Variants in STARD9 observed in about 807,000 individuals in gnomAD.
STARD9 encodes the protein stAR-related lipid transfer protein 9.
A neutral mutation model predicts 399.8 loss-of-function variants in STARD9; 346 were observed. That is an observed-to-expected ratio of 0.87 (90% CI 0.79 to 0.95). The LOEUF is 0.95. STARD9 is among the 40% of genes least tolerant of loss of function. The probability of loss-of-function intolerance (pLI) is 0.00; values close to 1 mark genes in which losing one functional copy is unlikely to be tolerated. For synonymous variants in STARD9, 2,203 were observed against 2,143.5 expected (o/e 1.03, Z -0.77); for missense variants, 5,832 against 5,667.5 (o/e 1.03, Z -0.93).
In STARD9 at chr15:42,690,475, CTT is replaced by C; in HGVS notation, c.8898_8899del (p.Tyr2967PhefsTer11). On this transcript the variant is annotated frameshift_variant, in exon 23 of 33. Coordinates refer to ENST00000290607, the MANE Select transcript of STARD9 (RefSeq NM_020759.3). LOFTEE classifies it high-confidence loss of function. ...AGTTCTCAACCTGTTGCTACTCATG[CTT>C]ATTCCTCCCATTCCTCTACTTTACT... The C allele has an allele frequency of 6.5e-7, 1 of 1,537,232 alleles. No homozygotes were observed. Among genetic ancestry groups the C allele is most frequent in the Non-Finnish European group, 8.7e-7 (1 of 1,146,908 alleles).
intron 26 of STARD9, among the ~76,000 whole-genome samples, chr15:42,709,907 CTA>C (rs1251473926): frequency 6.6e-6 from 1 of 152,068 alleles, no homozygotes; most frequent in African/African-American, 2.4e-5. Flanking sequence ...ATTTATTCAA[CTA>C]TTTAATTTTT....
At chr15:42,668,106 G>A (rs185718764) in intron 15 of STARD9, among the ~76,000 whole-genome samples, 2 of 152,250 alleles carry the variant, frequency 1.3e-5, no homozygotes, top group East Asian at 3.9e-4. Flanking sequence ...ATGATCTTAG[G>A]CAGTGTAGGA....
At chr15:42,719,102 C>A (rs2061404157) in intron 32 of STARD9, among the ~76,000 whole-genome samples, 192 bp downstream of exon 32, 1 of 152,202 alleles carries the variant, frequency 6.6e-6, no homozygotes, top group Non-Finnish European at 1.5e-5. Flanking sequence ...GGGAATGCGA[C>A]AGGAGTTTAT....
At position 42,689,581 on chromosome 15, in the gene STARD9, A is replaced by G. The variant is rs1362138404; in HGVS notation, c.8003A>G (p.His2668Arg). The change falls in exon 23 of 33, where the codon CAT (histidine) becomes CGT (arginine). Residue 2668 changes from histidine (H) to arginine (R), a missense_variant. His to Arg is a conservative substitution (Grantham distance 29). Transcript: ENST00000290607. ...TGGGATCCTGTGCAGGCTTTCTCCC[A>G]TGCTGCTCCTGCTCAAGACAGGAAA... ...EPWDPVQAFS[H>R]AAPAQDRKRR... 2.0e-6 allele frequency: 3 copies of G among 1,537,236 alleles called. No homozygotes were observed. Among genetic ancestry groups the G allele is most frequent in the African/African-American group, 1.4e-5 (1 of 73,046 alleles).
intron 9 of STARD9, among the ~76,000 whole-genome samples, chr15:42,655,152 G>A (rs1360504460): frequency 6.6e-6 from 1 of 152,108 alleles, no homozygotes; most frequent in African/African-American, 2.4e-5. Flanking sequence ...CGTGATGGCA[G>A]GCACCTGTAA....
chr15:42,714,484 A>T (rs1358441344), intron 26 of STARD9, among the ~76,000 whole-genome samples: 2 of 152,090 alleles, frequency 1.3e-5, no homozygotes, highest in Non-Finnish European at 2.9e-5. Flanking sequence ...ATTTCTTTTC[A>T]TGGATGTTTT....
chr15:42,637,131 C>T (rs568974261), intron 4 of STARD9, among the ~76,000 whole-genome samples: 126 of 151,488 alleles, frequency 8.3e-4, no homozygotes, highest in African/African-American at 2.8e-3. Context: ...AGCCCTTAAC[C>T]GAGTACAAGT....
chr15:42,679,528 G>A (rs2060383004), intron 20 of STARD9, among the ~76,000 whole-genome samples: 1 of 152,176 alleles, frequency 6.6e-6, no homozygotes, highest in African/African-American at 2.4e-5. Flanking sequence ...GGTTGTGTCA[G>A]CTCCCACTCC....
At chr15:42,708,975 T>A (rs189818919) in intron 26 of STARD9, among the ~76,000 whole-genome samples, 1 of 152,316 alleles carries the variant, frequency 6.6e-6, no homozygotes, top group East Asian at 1.9e-4. Flanking sequence ...ATGCAATACC[T>A]TATTCTCGGT....
chr15:42,619,771 T>C (rs749762665), intron 3 of STARD9, among the ~76,000 whole-genome samples: 75 of 152,168 alleles, frequency 4.9e-4, no homozygotes, highest in Non-Finnish European at 8.2e-4. Flanking sequence ...CACCTCCTGC[T>C]GTGTGGCCTG....
Position 42,669,263 on chromosome 15 carries a change from G to A in STARD9, c.1423G>A (p.Asp475Asn), listed in dbSNP as rs569715330. 19 of 1,536,878 alleles carry A rather than the reference G, an allele frequency of 1.2e-5. No homozygotes were observed. The South Asian group carries it at 1.5e-4, about 13-fold the overall frequency. The change falls in exon 16 of 33, where the codon GAC becomes AAC. Residue 475 changes from aspartate (D) to asparagine (N), a missense_variant. Asp to Asn is a conservative substitution (Grantham distance 23, BLOSUM62 1). Coordinates refer to ENST00000290607, the MANE Select transcript of STARD9 (RefSeq NM_020759.3). ...CAGGAGGAGGGCTGGGGTGGTCATC[G>A]ACTCCAGCCTGCCACACTTGATGGC... ...INRRRAGVVI[D>N]SSLPHLMALE...
rs1271131054 is a variant in STARD9 at position 42,686,174 on chromosome 15, G to A, written c.4596G>A (p.Leu1532=). ...QASSKGGDTL[L]PVGPRVSSNL... ...CTAGCAAAGGAGGAGATACTCTATT[G>A]CCAGTTGGCCCTAGGGTATCTAGCA... The change falls in exon 23 of 33, where the codon TTG becomes TTA. Residue 1532 remains leucine, a synonymous_variant. Transcript: ENST00000290607. 1 of 1,537,418 alleles carries A rather than the reference G, an allele frequency of 6.5e-7. No homozygotes were observed.
chr15:42,705,318 G>A (rs1181878181), intron 26 of STARD9, among the ~76,000 whole-genome samples: 1 of 152,120 alleles, frequency 6.6e-6, no homozygotes, highest in African/African-American at 2.4e-5. Context: ...GGTTTTCCTA[G>A]CTCTAGCGAA....
At chr15:42,668,665 T>G (rs1452389881) in intron 15 of STARD9, among the ~76,000 whole-genome samples, 2 of 152,176 alleles carry the variant, frequency 1.3e-5, no homozygotes, top group Non-Finnish European at 2.9e-5. Context: ...CCTGGGGAGA[T>G]TCCTCTCAGT....
intron 26 of STARD9, among the ~76,000 whole-genome samples, chr15:42,696,651 C>A (rs555730811): frequency 6.6e-6 from 1 of 152,242 alleles, no homozygotes; most frequent in East Asian, 1.9e-4. Context: ...TAGATGACCA[C>A]GGCAGAGCTG....
At chr15:42,661,294 C>T in intron 10 of STARD9, 69 bp downstream of exon 10, 1 of 1,085,314 alleles carries the variant, frequency 9.2e-7, no homozygotes, top group Admixed American at 2.0e-5. Flanking sequence ...ATAAGCTGTT[C>T]CAATCTTTTT....
intron 26 of STARD9, among the ~76,000 whole-genome samples, chr15:42,710,947 C>A (rs919980386): frequency 6.6e-6 from 1 of 151,658 alleles, no homozygotes; most frequent in African/African-American, 2.4e-5. Context: ...GTCTGTTTGT[C>A]CCCGTGTTTT....
In STARD9 at chr15:42,694,024, A is replaced by T. The variant is rs1265871425; in HGVS notation, c.12446A>T (p.Gln4149Leu). 9.1e-6 allele frequency: 14 copies of T among 1,531,656 alleles called. No homozygotes were observed. 94.9% of individuals were successfully genotyped at this position (1,531,656 alleles called of 1,614,324 possible). ...AAATTTAGTAACTGGTGTGGGGTTC[A>T]GAAGGGCTCACCTGGGGGGTTGGAC... is the stretch of plus-strand genomic sequence containing the variant. The part of the protein sequence containing the change: ...HNKFSNWCGV[Q>L]KGSPGGLDMT... Residue 4149 changes from glutamine to leucine, a missense_variant, in exon 23 of 33, where the codon CAG becomes CTG. Around this residue, in one of 2 missense-constraint regions of STARD9, gnomAD observed 5,828 missense variants for 5,651.1 expected, o/e 1.03. Transcript: ENST00000290607.
intron 15 of STARD9, among the ~76,000 whole-genome samples, chr15:42,667,170 G>T (rs1013205991): frequency 6.6e-6 from 1 of 150,580 alleles, no homozygotes; most frequent in African/African-American, 2.4e-5. Flanking sequence ...TGACGGATTA[G>T]ATTTATTTTT....
Sources: gnomAD v4.1 joint callset for allele counts (sites outside exome capture counted in the v4.1 genomes callset) on GRCh38, gnomAD v4.1.1 for gene constraint, gnomAD v4.1.1 regional missense constraint, MANE v1.5 for transcripts, NCBI Gene and HGNC (gene_info 2026-07-23, HGNC 2026-07-21) for gene names.